The following YWHAZ variants were observed in gnomAD, a reference collection of about 807,000 sequenced individuals.
YWHAZ encodes tyrosine 3-monooxygenase/tryptophan 5-monooxygenase activation protein zeta, also known as 14-3-3 protein zeta/delta.
For missense variants in YWHAZ, 79 were observed against 284.8 expected (o/e 0.28, Z 5.20); for synonymous variants, 87 against 103.6 (o/e 0.84, Z 0.97).
At position 100,948,523 on chromosome 8, in the gene YWHAZ, A is replaced by C; in HGVS notation, c.294+73T>G. ...AGAAGGAAAAGAAAAACCAAACAAA[A>C]AGTTAAGAGTAATGTAACTGATACT... On this transcript the variant is annotated intron_variant, in intron 2 of 5. Transcript: ENST00000395958. This position sits in a 1 kb window ranked among gnomAD's most constrained non-coding sequence, Gnocchi z 4.2. 6.7e-7 allele frequency: 1 copy of C among 1,482,358 alleles called. No homozygotes were observed. Among genetic ancestry groups the C allele is most frequent in the Admixed American group, 2.3e-5 (1 of 44,282 alleles). The allele number at this position is 1,482,358 out of a possible 1,614,324, so 91.8% of individuals were successfully genotyped here.
intron 2 of YWHAZ, among the ~76,000 whole-genome samples, chr8:100,927,800 G>T (rs1813467684): frequency 6.6e-6 from 1 of 152,156 alleles, no homozygotes; most frequent in Non-Finnish European, 1.5e-5. Flanking sequence ...TAAAATGGCA[G>T]TTAAGCACTT....
chr8:100,951,223 G>A, intron 1 of YWHAZ: 1 of 984,556 alleles, frequency 1.0e-6, no homozygotes, highest in Non-Finnish European at 1.2e-6. Flanking sequence ...GCGCAGCCTC[G>A]CCCCGGTCTA....
rs1351272464 is a variant in YWHAZ at position 100,918,406 on chromosome 8, CT to C, written c.*2286del. ...TCAGTCTAGCTATAAAATATAATTA[CT>C]TTATATATATATATATATATATATA... On this transcript the variant is annotated 3_prime_UTR_variant, in exon 6 of 6. Coordinates refer to ENST00000395958, the MANE Select transcript of YWHAZ (RefSeq NM_145690.3). 6 of 19,618 alleles carry C rather than the reference CT, an allele frequency of 3.1e-4. No homozygotes were observed. Among genetic ancestry groups the C allele is most frequent in the East Asian group, 2.8e-3 (1 of 358 alleles). The allele number at this position is 19,618 out of a possible 1,614,324, so 1.2% of individuals were successfully genotyped here. A position where few individuals can be genotyped will look rare whatever the true frequency, so the allele number is the denominator to read the frequency against.
intron 2 of YWHAZ, among the ~76,000 whole-genome samples, chr8:100,946,735 T>C (rs535593525): frequency 1.3e-5 from 2 of 152,210 alleles, no homozygotes; most frequent in East Asian, 3.9e-4. Context: ...ATTCCTAAAA[T>C]TGACTTTTGT....
chr8:100,946,851 TTACACA>T lies in YWHAZ; in HGVS notation c.294+1739_294+1744del, dbSNP rs568854650. ...ACACTCCAGACTGAACAAAACTGAATTACACATACACAGATATTAGTTAGTAAGGTG... is the reference window on the plus strand; with the variant it reads ...ACACTCCAGACTGAACAAAACTGAATTACACAGATATTAGTTAGTAAGGTG... On this transcript the variant is annotated intron_variant, in intron 2 of 5. Transcript: ENST00000395958. Among the ~76,000 whole-genome samples the T allele has an allele frequency of 9.5e-5, 14 of 147,420 alleles. No individual in the cohort carries two copies. In the East Asian group the frequency reaches 2.8e-3, roughly 29 times the overall value.
At chr8:100,925,067 G>T in intron 2 of YWHAZ, 28 bp from the exon 3 acceptor site, 7 of 1,592,518 alleles carry the variant, frequency 4.4e-6, no homozygotes, top group Non-Finnish European at 6.0e-6. Context: ...CAGACATAGT[G>T]AGAATAAAAC....
chr8:100,938,816 T>C (rs981453591), intron 2 of YWHAZ, among the ~76,000 whole-genome samples: 9 of 152,210 alleles, frequency 5.9e-5, no homozygotes, highest in Admixed American at 5.9e-4. Context: ...TTCAACCAAT[T>C]AGAAAAGTGC....
intron 2 of YWHAZ, among the ~76,000 whole-genome samples, chr8:100,946,310 G>C (rs1432335907): frequency 6.6e-6 from 1 of 152,306 alleles, no homozygotes; most frequent in Middle Eastern, 3.4e-3. Flanking sequence ...AGGCCAAGGC[G>C]AGTGGATCAC....
At chr8:100,952,170 C>A (rs929139633), upstream of YWHAZ, 35 of 984,972 alleles carry the variant, frequency 3.6e-5, no homozygotes, top group South Asian at 8.4e-4. Flanking sequence ...ATCGGGGCCC[C>A]GCGTAACCGC....
chr8:100,918,419 TA>T lies in YWHAZ; in HGVS notation c.*2273del, dbSNP rs1812804827. The T allele has an allele frequency of 1.4e-5, 1 of 72,234 alleles. No homozygotes were observed. The highest frequency in any genetic ancestry group is 5.9e-5 in the African/African-American group (1 of 17,054). 4.5% of individuals were successfully genotyped at this position (72,234 alleles called of 1,614,324 possible). A position where few individuals can be genotyped will look rare whatever the true frequency, so the allele number is the denominator to read the frequency against. The stretch of plus-strand genomic sequence containing the variant: ...AAAATATAATTACTTTATATATATA[TA>T]TATATATATATATATATATATATAA... On this transcript the variant is annotated 3_prime_UTR_variant, in exon 6 of 6. Transcript: ENST00000395958.
rs762866086 is a variant in YWHAZ at position 100,919,173 on chromosome 8, A to C, written c.*1520T>G. The C allele has an allele frequency of 6.6e-6, 1 of 152,418 alleles. No individual in the cohort carries two copies. Among genetic ancestry groups the C allele is most frequent in the Non-Finnish European group, 1.5e-5 (1 of 68,040 alleles). The allele number at this position is 152,418 out of a possible 1,614,324, so 9.4% of individuals were successfully genotyped here. On this transcript the variant is annotated 3_prime_UTR_variant, in exon 6 of 6. Transcript: ENST00000395958. ...CCTTTTTCCAAGTACATGGCCACCA[A>C]GTAAGAATGGTTGGTGACAAGACAG...
rs966605210 is a variant in YWHAZ at position 100,950,655 on chromosome 8, C to T, written c.-12+1274G>A. The T allele has an allele frequency of 2.7e-5, 22 of 826,002 alleles. 1 individual carries two copies. In the African/African-American group the frequency reaches 4.8e-4, roughly 18 times the overall value. 51.2% of individuals were successfully genotyped at this position (826,002 alleles called of 1,614,324 possible). A position where few individuals can be genotyped will look rare whatever the true frequency, so the allele number is the denominator to read the frequency against. On this transcript the variant is annotated intron_variant, in intron 1 of 5. Transcript: ENST00000395958. ...GAGCAGCCCGCGCCCCCGCCCAAGCCGTGGGGGGGGGGGAGAGATGGGGAG... is the reference window on the plus strand; with the variant it reads ...GAGCAGCCCGCGCCCCCGCCCAAGCTGTGGGGGGGGGGGAGAGATGGGGAG...
intron 5 of YWHAZ, among the ~76,000 whole-genome samples, chr8:100,921,118 C>T (rs1296062287): frequency 6.6e-6 from 1 of 152,128 alleles, no homozygotes; most frequent in African/African-American, 2.4e-5. Flanking sequence ...AATGAACCCT[C>T]CGCCTCCCAG....
chr8:100,951,368 C>G (rs1281508024), intron 1 of YWHAZ: 6 of 984,294 alleles, frequency 6.1e-6, no homozygotes, highest in African/African-American at 3.5e-5. Context: ...AGGGCCGGGT[C>G]CCGCCGCCGC....
At chr8:100,944,762 G>C (rs77978741) in intron 2 of YWHAZ, among the ~76,000 whole-genome samples, 1 of 152,144 alleles carries the variant, frequency 6.6e-6, no homozygotes, top group Non-Finnish European at 1.5e-5. Context: ...AGGTAGTCAA[G>C]GTGCTTTACC....
chr8:100,946,950 C>T (rs1810330579), intron 2 of YWHAZ, among the ~76,000 whole-genome samples: 1 of 149,580 alleles, frequency 6.7e-6, no homozygotes, highest in Non-Finnish European at 1.5e-5. Flanking sequence ...AAAAAAATCA[C>T]ATTTTCAAAA....
At position 100,952,013 on chromosome 8, in the gene YWHAZ, A is replaced by G. The variant is rs1252633414; in HGVS notation, c.-96T>C. ...CGGCGGCAGCAGCGGCGAGGCTGAG[A>G]CTCTGTCCCTGGATCTCGCTGCTCA... On this transcript the variant is annotated 5_prime_UTR_variant, in exon 1 of 6. Transcript: ENST00000395958. 8 of 999,568 alleles carry G rather than the reference A, an allele frequency of 8.0e-6. No individual in the cohort carries two copies. The highest frequency in any genetic ancestry group is 9.5e-6 in the Non-Finnish European group (8 of 840,158). The allele number at this position is 999,568 out of a possible 1,614,324, so 61.9% of individuals were successfully genotyped here. A position where few individuals can be genotyped will look rare whatever the true frequency, so the allele number is the denominator to read the frequency against.
chr8:100,944,890 A>G (rs1489864949), intron 2 of YWHAZ, among the ~76,000 whole-genome samples: 1 of 152,162 alleles, frequency 6.6e-6, no homozygotes, highest in South Asian at 2.1e-4. Flanking sequence ...TGGTAAAACT[A>G]GTTTGACTCA....
intron 2 of YWHAZ, among the ~76,000 whole-genome samples, chr8:100,930,227 T>C (rs918451830): frequency 6.6e-6 from 1 of 152,168 alleles, no homozygotes; most frequent in Non-Finnish European, 1.5e-5. Context: ...GTCTCCCGAG[T>C]AGCCGGGACT....
Sources: gnomAD v4.1 joint callset for allele counts (sites outside exome capture counted in the v4.1 genomes callset) on GRCh38, gnomAD v4.1.1 for gene constraint, Gnocchi (gnomAD v3.1) non-coding constraint, MANE v1.5 for transcripts, NCBI Gene and HGNC (gene_info 2026-07-23, HGNC 2026-07-21) for gene names.